Variants in RNF11 observed in about 807,000 individuals in gnomAD.
RNF11 encodes ring finger protein 11.
In RNF11, 4 loss-of-function variants were observed where a neutral mutation model predicts 15.8. The ratio of observed to expected loss-of-function variants is 0.25; its 90% CI spans 0.12 to 0.58. RNF11 has a LOEUF of 0.58. Ranked by LOEUF, RNF11 falls within the 20% of genes least tolerant of loss-of-function variation. The pLI is 0.91. For synonymous variants in RNF11, 68 were observed against 72.3 expected (o/e 0.94, Z 0.30); for missense variants, 139 against 194.4 (o/e 0.71, Z 1.70).
intron 1 of RNF11, among the ~76,000 whole-genome samples, chr1:51,244,895 G>A (rs1028331790): frequency 1.3e-5 from 2 of 152,142 alleles, no homozygotes; most frequent in Admixed American, 6.5e-5. Context: ...TAATTCTAGA[G>A]CTAATTATAG....
chr1:51,246,272 A>G (rs1411913463), intron 1 of RNF11, among the ~76,000 whole-genome samples: 1 of 151,974 alleles, frequency 6.6e-6, no homozygotes, highest in Non-Finnish European at 1.5e-5. Flanking sequence ...TCTCAACAAC[A>G]ACAACAAAAA....
intron 1 of RNF11, among the ~76,000 whole-genome samples, chr1:51,255,161 A>G (rs1646898808): frequency 1.3e-5 from 2 of 152,196 alleles, no homozygotes; most frequent in South Asian, 4.1e-4. Context: ...TATAATATGT[A>G]TATATATGTT....
intron 1 of RNF11, among the ~76,000 whole-genome samples, chr1:51,256,799 G>A (rs1257952633): frequency 3.3e-5 from 5 of 152,136 alleles, no homozygotes; most frequent in East Asian, 1.9e-4. Flanking sequence ...TTAGCCTCCC[G>A]AGTAGCTTGG....
intron 1 of RNF11, among the ~76,000 whole-genome samples, chr1:51,237,097 T>C (rs1233680842): frequency 6.6e-6 from 1 of 152,116 alleles, no homozygotes. Context: ...CCCTCTGCCC[T>C]TGAGTTCTGG....
intron 1 of RNF11, among the ~76,000 whole-genome samples, chr1:51,245,392 G>T: frequency 6.6e-6 from 1 of 151,938 alleles, no homozygotes; most frequent in East Asian, 1.9e-4. Context: ...AACTCAAGCA[G>T]TCCACCCACC....
intron 1 of RNF11, among the ~76,000 whole-genome samples, chr1:51,264,287 AATATATATAT>A (rs1162466435): frequency 0.024 from 776 of 32,484 alleles, 18 homozygotes; most frequent in Admixed American, 0.075. Flanking sequence ...AAAAAAAAAA[AATATATATAT>A]ATATATATAT....
At chr1:51,253,060 C>T (rs1445821639) in intron 1 of RNF11, among the ~76,000 whole-genome samples, 3 of 151,820 alleles carry the variant, frequency 2.0e-5, no homozygotes, top group African/African-American at 7.3e-5. Flanking sequence ...CTCCTGACCT[C>T]GTGATCCGCC....
intron 1 of RNF11, among the ~76,000 whole-genome samples, chr1:51,261,554 A>C (rs922129503): frequency 5.3e-5 from 8 of 152,152 alleles, no homozygotes; most frequent in Non-Finnish European, 1.0e-4. Context: ...AATGGGCCCA[A>C]ATATATATGG....
Position 51,237,133 on chromosome 1 carries a change from T to G in RNF11, c.123+254T>G, listed in dbSNP as rs564455887. On this transcript the variant is annotated intron_variant, in intron 1 of 2. Transcript: ENST00000242719. Reference sequence around the variant, plus strand: ...GATCAGAGTATGTGATCACATCCCCTTGGCCAGTGTCTGGTGGTTCGCTTG... The same window carrying G: ...GATCAGAGTATGTGATCACATCCCCGTGGCCAGTGTCTGGTGGTTCGCTTG... 1.5e-3 allele frequency among the ~76,000 whole-genome samples: 235 copies of G among 152,212 alleles called. 1 individual carries two copies. Among genetic ancestry groups the G allele is most frequent in the African/African-American group, 5.4e-3 (224 of 41,550 alleles).
chr1:51,255,171 T>G (rs2148070131), intron 1 of RNF11, among the ~76,000 whole-genome samples: 1 of 152,324 alleles, frequency 6.6e-6, no homozygotes, highest in East Asian at 1.9e-4. Flanking sequence ...ATATATATGT[T>G]TCTACTACTT....
At chr1:51,258,074 G>A (rs1254926508) in intron 1 of RNF11, among the ~76,000 whole-genome samples, 1 of 150,516 alleles carries the variant, frequency 6.6e-6, no homozygotes, top group Non-Finnish European at 1.5e-5. Context: ...GGCTGGCCTC[G>A]AACTCCTGAC....
intron 1 of RNF11, among the ~76,000 whole-genome samples, chr1:51,264,313 T>TAC (rs1646945519): frequency 3.9e-5 from 4 of 101,790 alleles, no homozygotes; most frequent in African/African-American, 1.8e-4. Context: ...TATATATATA[T>TAC]ATATACACAC....
At chr1:51,239,416 G>GT (rs1646819119) in intron 1 of RNF11, among the ~76,000 whole-genome samples, 1 of 152,106 alleles carries the variant, frequency 6.6e-6, no homozygotes. Flanking sequence ...TACAAATTCA[G>GT]TATCAATCAG....
chr1:51,268,743 T>G (rs1248947852), intron 1 of RNF11, among the ~76,000 whole-genome samples: 1 of 152,134 alleles, frequency 6.6e-6, no homozygotes. Flanking sequence ...TTCAGGAAGG[T>G]AATTTAGACT....
chr1:51,251,165 C>T, intron 1 of RNF11: 1 of 1,535,714 alleles, frequency 6.5e-7, no homozygotes. Flanking sequence ...TCTTCAAAAC[C>T]TCATCCTTGA....
chr1:51,268,540 G>A (rs1230238678), intron 1 of RNF11, among the ~76,000 whole-genome samples: 1 of 152,170 alleles, frequency 6.6e-6, no homozygotes, highest in African/African-American at 2.4e-5. Context: ...TGAACCACAA[G>A]ACTGAAGAAA....
intron 1 of RNF11, among the ~76,000 whole-genome samples, chr1:51,255,131 TTAA>T (rs1432768606): frequency 6.6e-6 from 1 of 152,172 alleles, no homozygotes; most frequent in African/African-American, 2.4e-5. Context: ...TATATTATTT[TTAA>T]TACTATTAAT....
At chr1:51,252,551 G>A (rs892342572) in intron 1 of RNF11, among the ~76,000 whole-genome samples, 9 of 152,012 alleles carry the variant, frequency 5.9e-5, no homozygotes, top group Non-Finnish European at 1.2e-4. Context: ...GGAGGCGGAG[G>A]TTGCAGTATG....
At chr1:51,250,513 C>G (rs1056502179) in intron 1 of RNF11, 1 of 539,606 alleles carries the variant, frequency 1.9e-6, no homozygotes, top group Non-Finnish European at 3.3e-6. Context: ...TTTGTTTACA[C>G]AAGTATGTTG....
Sources: gnomAD v4.1 joint callset for allele counts (sites outside exome capture counted in the v4.1 genomes callset) on GRCh38, gnomAD v4.1.1 for gene constraint, MANE v1.5 for transcripts, NCBI Gene and HGNC (gene_info 2026-07-23, HGNC 2026-07-21) for gene names.